Variants in HNF4G observed in about 807,000 individuals in gnomAD.
HNF4G encodes hepatocyte nuclear factor 4 gamma.
HNF4G carries 21 observed loss-of-function variants against 50.9 expected under a neutral mutation model. The observed-to-expected ratio is 0.41, with a 90% confidence interval of 0.29 to 0.59. The LOEUF (loss-of-function observed/expected upper bound fraction) is 0.59. Ranked by LOEUF, HNF4G falls within the 20% of genes least tolerant of loss-of-function variation. The probability of loss-of-function intolerance (pLI) is 0.26; values close to 1 mark genes in which losing one functional copy is unlikely to be tolerated. For missense variants in HNF4G, 527 were observed against 559.4 expected, an observed-to-expected ratio of 0.94 and a Z score of 0.58; for synonymous variants, 198 against 185.6, an observed-to-expected ratio of 1.07 and a Z score of -0.54.
chr8:75,443,929 C>A (rs187042551), intron 1 of HNF4G, among the ~76,000 whole-genome samples: 1 of 151,944 alleles, frequency 6.6e-6, no homozygotes, highest in African/African-American at 2.4e-5. Context: ...AACTCTAAAG[C>A]TATAATAATT....
chr8:75,495,073 G>GA (rs1470628425), intron 2 of HNF4G, among the ~76,000 whole-genome samples: 1 of 152,062 alleles, frequency 6.6e-6, no homozygotes, highest in Non-Finnish European at 1.5e-5. Context: ...TGATAGGAGA[G>GA]AAAAAATGGC....
chr8:75,456,597 T>C lies in HNF4G; in HGVS notation c.-143-33492T>C, dbSNP rs945120496. 3.9e-4 allele frequency among the ~76,000 whole-genome samples: 60 copies of C among 152,178 alleles called. 1 individual carries two copies. The highest frequency in any genetic ancestry group is 1.3e-3 in the African/African-American group (55 of 41,542). On this transcript the variant is annotated intron_variant, in intron 1 of 10. Coordinates refer to the HNF4G transcript ENST00000354370. ...TAAAGCATTGACTCAAATATTTCCT[T>C]AGAAAGGGTGAGAATGATAGTCTTT...
chr8:75,550,156 T>C (rs1353491044), intron 3 of HNF4G, among the ~76,000 whole-genome samples: 2 of 152,210 alleles, frequency 1.3e-5, no homozygotes, highest in African/African-American at 4.8e-5. Context: ...GATATTTTAA[T>C]GCCTTGTTGC....
intron 1 of HNF4G, among the ~76,000 whole-genome samples, chr8:75,482,517 C>T (rs1321784113): frequency 6.6e-6 from 1 of 152,104 alleles, no homozygotes; most frequent in Non-Finnish European, 1.5e-5. Context: ...CAGGCTTGCA[C>T]CACCATGCTC....
intron 1 of HNF4G, among the ~76,000 whole-genome samples, chr8:75,485,996 G>A (rs1354859420): frequency 6.6e-6 from 1 of 152,108 alleles, no homozygotes; most frequent in Non-Finnish European, 1.5e-5. Context: ...TTCCCTACTA[G>A]GTCTGCTCTA....
At chr8:75,413,941 G>A (rs925097875) in intron 1 of HNF4G, among the ~76,000 whole-genome samples, 2 of 152,094 alleles carry the variant, frequency 1.3e-5, no homozygotes, top group Non-Finnish European at 2.9e-5. Context: ...TTAAAACCTA[G>A]TGAAAAGCCA....
chr8:75,516,952 T>A (rs185448242), intron 2 of HNF4G, among the ~76,000 whole-genome samples: 1 of 152,114 alleles, frequency 6.6e-6, no homozygotes, highest in African/African-American at 2.4e-5. Context: ...GGGTAACTTA[T>A]AAAGAAAAGG....
At chr8:75,490,112 CT>C (rs1220036425) in exon 2 of HNF4G, 1 of 152,628 alleles carries the variant, frequency 6.6e-6, no homozygotes, top group Non-Finnish European at 1.5e-5. Flanking sequence ...AGCAGCCAGT[CT>C]GAGATATTGA....
At chr8:75,551,570 T>G (rs185460992) in intron 4 of HNF4G, 76 bp downstream of exon 4, 1 of 864,088 alleles carries the variant, frequency 1.2e-6, no homozygotes, top group African/African-American at 1.7e-5. Context: ...TAAAATAATC[T>G]AAGTTTTTTC....
intron 2 of HNF4G, among the ~76,000 whole-genome samples, chr8:75,509,971 A>C (rs1805703837): frequency 6.6e-6 from 1 of 152,172 alleles, no homozygotes. Context: ...ATTACTATAA[A>C]AGAGCCTCAG....
intron 1 of HNF4G, among the ~76,000 whole-genome samples, chr8:75,422,964 C>T (rs183681281): frequency 1.3e-5 from 2 of 152,096 alleles, no homozygotes; most frequent in Admixed American, 1.3e-4. Context: ...ATTATCATTC[C>T]GATTTTACAG....
chr8:75,509,067 A>T (rs1805682947), intron 2 of HNF4G, among the ~76,000 whole-genome samples: 1 of 152,230 alleles, frequency 6.6e-6, no homozygotes, highest in African/African-American at 2.4e-5. Context: ...TAAGGTATCA[A>T]GGAGGATGAC....
intron 1 of HNF4G, among the ~76,000 whole-genome samples, chr8:75,422,387 T>C (rs1810794932): frequency 6.6e-6 from 1 of 152,200 alleles, no homozygotes; most frequent in South Asian, 2.1e-4. Context: ...GGGCAGTGCT[T>C]GTTCAGCTAC....
chr8:75,508,780 G>A (rs1805671328), intron 2 of HNF4G, among the ~76,000 whole-genome samples: 1 of 152,138 alleles, frequency 6.6e-6, no homozygotes, highest in Admixed American at 6.5e-5. Context: ...GAAGGTTAGA[G>A]GGGAAGAGAT....
intron 1 of HNF4G, among the ~76,000 whole-genome samples, chr8:75,416,711 G>A (rs953340716): frequency 6.6e-6 from 1 of 152,084 alleles, no homozygotes; most frequent in African/African-American, 2.4e-5. Flanking sequence ...TGTAGACTTC[G>A]CATGGGACCT....
intron 1 of HNF4G, among the ~76,000 whole-genome samples, chr8:75,475,705 G>GT (rs1026551647): frequency 6.6e-6 from 1 of 151,998 alleles, no homozygotes; most frequent in African/African-American, 2.4e-5. Context: ...CAGCTTCAGA[G>GT]TTTTTTTATT....
chr8:75,407,875 A>G (rs1800921), upstream of HNF4G: 77,726 of 151,982 alleles, frequency 0.51, 20,093 homozygotes, highest in Middle Eastern at 0.59. Flanking sequence ...GGACAGCGCG[A>G]CGGGGTGGGT....
At position 75,552,882 on chromosome 8, in the gene HNF4G, A is replaced by T. The variant is rs1807000480; in HGVS notation, c.490-160A>T. ...ATTTTATTTTTCAATTTAAATCAGT[A>T]TTTCATTTTTCAATTTAAAATGTTT... On this transcript the variant is annotated intron_variant, in intron 4 of 9. Transcript: ENST00000396423. Among the ~76,000 whole-genome samples the T allele has an allele frequency of 2.0e-5, 3 of 152,098 alleles. No homozygotes were observed. In the South Asian group the frequency reaches 6.2e-4, roughly 31 times the overall value.
chr8:75,459,089 C>G (rs1041519715), intron 1 of HNF4G, among the ~76,000 whole-genome samples: 1 of 152,096 alleles, frequency 6.6e-6, no homozygotes, highest in African/African-American at 2.4e-5. Context: ...CAACAAATGT[C>G]TGTCTATCTA....
Sources: allele counts gnomAD v4.1 joint callset (sites outside exome capture counted in the v4.1 genomes callset), GRCh38; gene constraint gnomAD v4.1.1; transcripts MANE v1.5; gene names NCBI Gene and HGNC (gene_info 2026-07-23, HGNC 2026-07-21).